The following FBXL7 variants were observed in gnomAD, a reference collection of about 807,000 sequenced individuals.
FBXL7 encodes F-box and leucine rich repeat protein 7, also known as F-box/LRR-repeat protein 7.
Under a neutral mutation model 38.3 loss-of-function variants are expected in FBXL7, and 12 were observed. The observed-to-expected ratio is 0.31, with a 90% CI of 0.20 to 0.51. FBXL7 has a LOEUF of 0.51. FBXL7 is among the 20% of genes least tolerant of loss of function. The pLI is 0.98. For missense variants in FBXL7, 567 were observed against 676.4 expected, an observed-to-expected ratio of 0.84 and a Z score of 1.79; for synonymous variants, 297 against 300.9, an observed-to-expected ratio of 0.99 and a Z score of 0.13.
At chr5:15,671,450 GTT>G (rs59520625) in intron 2 of FBXL7, among the ~76,000 whole-genome samples, 4 of 147,824 alleles carry the variant, frequency 2.7e-5, no homozygotes, top group Admixed American at 6.7e-5. Context: ...AACAATTGGT[GTT>G]TTTTTTTTTG....
chr5:15,570,269 C>T (rs899412724), intron 1 of FBXL7, among the ~76,000 whole-genome samples: 6 of 152,080 alleles, frequency 3.9e-5, no homozygotes, highest in Admixed American at 6.6e-5. Context: ...AATTTCAGAG[C>T]CTGTTATTGG....
chr5:15,794,627 T>A (rs1737367322), intron 2 of FBXL7, among the ~76,000 whole-genome samples: 1 of 152,196 alleles, frequency 6.6e-6, no homozygotes. Flanking sequence ...GTGAAGGTTT[T>A]TTGCTCACAG....
At position 15,533,223 on chromosome 5, in the gene FBXL7, C is replaced by T. The variant is rs374676780; in HGVS notation, c.37+32510C>T. 3.8e-3 allele frequency among the ~76,000 whole-genome samples: 584 copies of T among 152,288 alleles called. 4 individuals carry two copies. The highest frequency in any genetic ancestry group is 0.014 in the Middle Eastern group (4 of 294). On this transcript the variant is annotated intron_variant, in intron 1 of 3. Transcript: ENST00000504595. ...TGGTGAATCACACTGTGTGTCTAATCAAACCACACTCTTCTCTTAATGCTC... is the reference window on the plus strand; with the variant it reads ...TGGTGAATCACACTGTGTGTCTAATTAAACCACACTCTTCTCTTAATGCTC...
rs574439531 is a variant in FBXL7 at position 15,915,706 on chromosome 5, T to C, written c.128-12184T>C. 3.3e-5 allele frequency among the ~76,000 whole-genome samples: 5 copies of C among 152,294 alleles called. No individual in the cohort carries two copies. In the South Asian group the frequency reaches 1.0e-3, roughly 32 times the overall value. On this transcript the variant is annotated intron_variant, in intron 2 of 3. Coordinates refer to ENST00000504595, the MANE Select transcript of FBXL7 (RefSeq NM_012304.5). ...AGAAGGAATGAGCTAGTCAAGGTTT[T>C]GATGCCGGGAAAAATGGTCCATATT...
intron 1 of FBXL7, among the ~76,000 whole-genome samples, chr5:15,572,864 C>T (rs1403456855): frequency 1.3e-5 from 2 of 152,172 alleles, no homozygotes; most frequent in Non-Finnish European, 2.9e-5. Context: ...AGTATATATA[C>T]CTCACCCTTT....
intron 2 of FBXL7, among the ~76,000 whole-genome samples, chr5:15,730,510 T>C (rs1406350158): frequency 6.6e-6 from 1 of 152,068 alleles, no homozygotes; most frequent in African/African-American, 2.4e-5. Flanking sequence ...ATACCAAAAA[T>C]AAAATAAGTA....
At chr5:15,723,518 T>A (rs1204405937) in intron 2 of FBXL7, among the ~76,000 whole-genome samples, 1 of 152,210 alleles carries the variant, frequency 6.6e-6, no homozygotes, top group African/African-American at 2.4e-5. Flanking sequence ...CAGTTGCTAA[T>A]TTCAAACTAC....
chr5:15,676,698 G>A (rs1742664964), intron 2 of FBXL7, among the ~76,000 whole-genome samples: 1 of 152,176 alleles, frequency 6.6e-6, no homozygotes, highest in African/African-American at 2.4e-5. Context: ...CAAGAGCAGG[G>A]CCATAGGTGG....
At chr5:15,793,428 G>A (rs1309814514) in intron 2 of FBXL7, among the ~76,000 whole-genome samples, 1 of 152,086 alleles carries the variant, frequency 6.6e-6, no homozygotes, top group African/African-American at 2.4e-5. Context: ...CTCCATGTCT[G>A]TCCTCTGATG....
intron 2 of FBXL7, among the ~76,000 whole-genome samples, chr5:15,876,052 C>A (rs1015643317): frequency 6.6e-6 from 1 of 152,192 alleles, no homozygotes; most frequent in African/African-American, 2.4e-5. Context: ...CAAATATACA[C>A]CATGGAATAA....
At chr5:15,814,058 C>G (rs536655860) in intron 2 of FBXL7, among the ~76,000 whole-genome samples, 1 of 152,174 alleles carries the variant, frequency 6.6e-6, no homozygotes, top group Admixed American at 6.5e-5. Flanking sequence ...ACCATTTGAC[C>G]CAGCGATCCC....
chr5:15,684,049 A>C (rs987255406), intron 2 of FBXL7, among the ~76,000 whole-genome samples: 3 of 152,122 alleles, frequency 2.0e-5, no homozygotes, highest in Non-Finnish European at 4.4e-5. Context: ...TATTTAGATA[A>C]ATTTCAATAT....
chr5:15,741,595 T>A (rs1735894934), intron 2 of FBXL7, among the ~76,000 whole-genome samples: 2 of 152,164 alleles, frequency 1.3e-5, no homozygotes, highest in African/African-American at 2.4e-5. Context: ...CTCTTGGGTA[T>A]AAAAAAAGAG....
At chr5:15,916,329 A>T (rs1025619803) in intron 2 of FBXL7, among the ~76,000 whole-genome samples, 2 of 152,142 alleles carry the variant, frequency 1.3e-5, no homozygotes, top group African/African-American at 4.8e-5. Context: ...CCTAGCAGGT[A>T]CTTAGACATG....
intron 2 of FBXL7, among the ~76,000 whole-genome samples, chr5:15,721,251 A>G (rs4571472): frequency 0.62 from 94,218 of 151,834 alleles, 29,568 homozygotes; most frequent in East Asian, 0.82. Flanking sequence ...ATTTTTTTTT[A>G]GTGTAAAACC....
At chr5:15,547,513 T>G (rs1272745691) in intron 1 of FBXL7, among the ~76,000 whole-genome samples, 1 of 152,112 alleles carries the variant, frequency 6.6e-6, no homozygotes, top group African/African-American at 2.4e-5. Context: ...CTTGAAGCAG[T>G]TTATTAGTTA....
At chr5:15,574,283 CAGAT>C (rs1738887872) in intron 1 of FBXL7, among the ~76,000 whole-genome samples, 1 of 152,154 alleles carries the variant, frequency 6.6e-6, no homozygotes, top group African/African-American at 2.4e-5. Flanking sequence ...TGTAAAAGTG[CAGAT>C]AGATAAAATA....
chr5:15,820,360 G>GATCCC (rs1350490847), intron 2 of FBXL7, among the ~76,000 whole-genome samples: 1 of 152,074 alleles, frequency 6.6e-6, no homozygotes, highest in East Asian at 1.9e-4. Flanking sequence ...ACCTGATCTG[G>GATCCC]ATCCCATCCC....
intron 1 of FBXL7, among the ~76,000 whole-genome samples, chr5:15,569,528 A>G (rs1290406793): frequency 2.9e-4 from 44 of 151,352 alleles, no homozygotes; most frequent in Admixed American, 8.6e-4. Flanking sequence ...CAATCATGTC[A>G]TCTGCAAACA....
Sources: allele counts gnomAD v4.1 joint callset (sites outside exome capture counted in the v4.1 genomes callset), GRCh38; gene constraint gnomAD v4.1.1; transcripts MANE v1.5; gene names NCBI Gene and HGNC (gene_info 2026-07-23, HGNC 2026-07-21).